PCNX4: variants seen among roughly 807,000 people sequenced by gnomAD.
The protein encoded by PCNX4 is pecanex 4, also known as pecanex-like protein 4.
In PCNX4, 103 loss-of-function variants were observed where a neutral mutation model predicts 107.2. The observed-to-expected ratio is 0.96, with a 90% confidence interval of 0.82 to 1.13. The LOEUF (loss-of-function observed/expected upper bound fraction) is 1.13. Ranked by LOEUF, PCNX4 falls within the 50% of genes most tolerant of loss-of-function variation. The pLI is 0.00. For synonymous variants in PCNX4, 541 were observed against 481.7 expected, an observed-to-expected ratio of 1.12 and a Z score of -1.61; for missense variants, 1,528 against 1,379.4, an observed-to-expected ratio of 1.11 and a Z score of -1.71.
At chr14:60,111,674 A>G (rs546824615) in intron 2 of PCNX4, among the ~76,000 whole-genome samples, 105 of 152,264 alleles carry the variant, frequency 6.9e-4, no homozygotes, top group African/African-American at 2.5e-3. Context: ...GAATCTTTTA[A>G]TTTGGTTTTC....
intron 4 of PCNX4, 99 bp downstream of exon 4, chr14:60,115,560 A>C (rs944039327): frequency 2.8e-6 from 4 of 1,422,812 alleles, no homozygotes; most frequent in Non-Finnish European, 3.8e-6. Flanking sequence ...ATTATACCAT[A>C]TACAAGTGTT....
At chr14:60,130,867 C>G (rs901569413) in intron 10 of PCNX4, among the ~76,000 whole-genome samples, 1 of 151,742 alleles carries the variant, frequency 6.6e-6, no homozygotes, top group African/African-American at 2.4e-5. Context: ...TTTGGGAGGC[C>G]GAGGCAGGCG....
intron 10 of PCNX4, 127 bp from the exon 11 acceptor site, chr14:60,133,842 GT>G (rs1896198353): frequency 3.3e-6 from 3 of 914,130 alleles, no homozygotes; most frequent in Non-Finnish European, 4.9e-6. Flanking sequence ...ACTACTTTCT[GT>G]TTTTTGAACT....
rs200165068 is a variant in PCNX4, at chr14:60,124,634, G to T, written c.2463G>T (p.Trp821Cys). ...TAAATTCAGAAACTTTTAATGACTG[G>T]TCTGATGATAATATTTTTGATGATG... Reference protein sequence around the residue: ...DSLNSETFNDWSDDNIFDDEP... With the variant: ...DSLNSETFNDCSDDNIFDDEP... The change falls in exon 9 of 11, where the codon TGG becomes TGT. Residue 821 changes from tryptophan to cysteine, a missense_variant. Physicochemically the swap from Trp to Cys is radical, Grantham distance 215. Coordinates refer to ENST00000406854, the MANE Select transcript of PCNX4 (RefSeq NM_001330177.2). 1 of 1,613,694 alleles carries T rather than the reference G, an allele frequency of 6.2e-7. No individual in the cohort carries two copies. The highest frequency in any genetic ancestry group is 8.5e-7 in the Non-Finnish European group (1 of 1,179,748).
chr14:60,147,824 A>C lies in PCNX4; in HGVS notation c.*13603A>C, dbSNP rs1325257945. ...CTAGCACCAGGCTGCATGCTCTGCC[A>C]GGAGGCTGTGCTTCCTCTGTAGTAA... On this transcript the variant is annotated 3_prime_UTR_variant, in exon 11 of 11. Coordinates refer to ENST00000406854, the MANE Select transcript of PCNX4 (RefSeq NM_001330177.2). 1.3e-5 allele frequency: 2 copies of C among 152,240 alleles called. No individual in the cohort carries two copies. Among genetic ancestry groups the C allele is most frequent in the Non-Finnish European group, 2.9e-5 (2 of 68,064 alleles). 9.4% of individuals were successfully genotyped at this position (152,240 alleles called of 1,614,324 possible).
At chr14:60,095,975 A>G (rs1319789717) in intron 1 of PCNX4, among the ~76,000 whole-genome samples, 1 of 152,204 alleles carries the variant, frequency 6.6e-6, no homozygotes, top group South Asian at 2.1e-4. Flanking sequence ...TAGCCCTTTC[A>G]GTTCATTGAC....
rs778527106 is a variant in PCNX4 at position 60,124,258 on chromosome 14, C to T, written c.2087C>T (p.Ala696Val). The change falls in exon 9 of 11, where the codon GCT (alanine) becomes GTT (valine). Residue 696 changes from alanine to valine, a missense_variant. By Grantham distance (64) the Ala-to-Val change is moderately conservative (BLOSUM62 0). Coordinates refer to ENST00000406854, the MANE Select transcript of PCNX4 (RefSeq NM_001330177.2). ...GAAACATCCTGTCATACTGCAGAAG[C>T]TCGCAGAGTTGATGAAGTTTTTGAA... Reference protein sequence around the residue: ...LQETSCHTAEARRVDEVFEDA... With the variant: ...LQETSCHTAEVRRVDEVFEDA... 1.1e-5 allele frequency: 17 copies of T among 1,601,670 alleles called. No individual in the cohort carries two copies. Among genetic ancestry groups the T allele is most frequent in the Non-Finnish European group, 1.4e-5 (17 of 1,173,530 alleles).
At chr14:60,129,040 T>C (rs901288069) in intron 10 of PCNX4, among the ~76,000 whole-genome samples, 3 of 151,184 alleles carry the variant, frequency 2.0e-5, no homozygotes, top group Admixed American at 2.0e-4. Flanking sequence ...TGGTGAAACC[T>C]TGTCTCTACT....
intron 2 of PCNX4, among the ~76,000 whole-genome samples, chr14:60,112,061 G>C (rs1895750092): frequency 6.6e-6 from 1 of 152,136 alleles, no homozygotes; most frequent in South Asian, 2.1e-4. Flanking sequence ...GAGCAGAAGA[G>C]GCGAACCCCG....
At chr14:60,113,911 T>C (rs1895787409) in intron 2 of PCNX4, among the ~76,000 whole-genome samples, 1 of 152,216 alleles carries the variant, frequency 6.6e-6, no homozygotes, top group African/African-American at 2.4e-5. Flanking sequence ...AGTTTGATGA[T>C]GGTACATTTA....
In PCNX4 at chr14:60,121,851, T is replaced by C. The variant is rs138936011; in HGVS notation, c.2046+552T>C. 7.7e-4 allele frequency among the ~76,000 whole-genome samples: 118 copies of C among 152,308 alleles called. No homozygotes were observed. The East Asian group carries it at 0.02, about 26-fold the overall frequency. ...CACATTGCTAAGTCCAGTGATCAAC[T>C]CTCAGAACCAGTCTTATTCGAACCA... is the stretch of plus-strand genomic sequence containing the variant. On this transcript the variant is annotated intron_variant, in intron 8 of 10. Transcript: ENST00000406854.
At position 60,148,062 on chromosome 14, in the gene PCNX4, C is replaced by T. The variant is rs1379074971; in HGVS notation, c.*13841C>T. 6.6e-6 allele frequency: 1 copy of T among 152,196 alleles called. No homozygotes were observed. Among genetic ancestry groups the T allele is most frequent in the East Asian group, 1.9e-4 (1 of 5,200 alleles). The allele number at this position is 152,196 out of a possible 1,614,324, so 9.4% of individuals were successfully genotyped here. ...TTACTACTTGGTAGAAAACGAAAAG[C>T]TCCTTTTTGATTTTTCACACTCTGG... On this transcript the variant is annotated 3_prime_UTR_variant, in exon 11 of 11. Transcript: ENST00000406854. The surrounding 1 kb of genome is among the most constrained non-coding windows in gnomAD (Gnocchi z 4.8).
chr14:60,094,421 TG>T (rs1442885574), intron 1 of PCNX4, among the ~76,000 whole-genome samples: 12 of 152,300 alleles, frequency 7.9e-5, no homozygotes, highest in African/African-American at 2.9e-4. Context: ...CCCAGCATTT[TG>T]CAGACCTTGG....
Position 60,121,164 on chromosome 14 carries a change from T to TC in PCNX4, c.1943-32_1943-31insC, listed in dbSNP as rs781569583. 16 of 1,386,102 alleles carry TC rather than the reference T, an allele frequency of 1.2e-5. No homozygotes were observed. In the Admixed American group the frequency reaches 1.3e-4, roughly 11 times the overall value. The allele number at this position is 1,386,102 out of a possible 1,614,324, so 85.9% of individuals were successfully genotyped here. On this transcript the variant is annotated intron_variant, in intron 7 of 10. Coordinates refer to ENST00000406854, the MANE Select transcript of PCNX4 (RefSeq NM_001330177.2). The stretch of plus-strand genomic sequence containing the variant: ...AAAGAAGTTTGAAAATGATTTTCTT[T>TC]TTTTTTTTTTTTTTTTTCTAATTTG...
rs1167103219 is a variant in PCNX4, at chr14:60,108,082, A to G, written c.444A>G (p.Gly148=). The G allele has an allele frequency of 5.6e-6, 9 of 1,612,842 alleles. No homozygotes were observed. The Admixed American group carries it at 8.3e-5, about 15-fold the overall frequency. Residue 148 remains glycine (G), a synonymous_variant, in exon 2 of 11, where the codon GGA becomes GGG. Coordinates refer to ENST00000406854, the MANE Select transcript of PCNX4 (RefSeq NM_001330177.2). ...ANTVFHSILA[G]LACGLGTWYL... ...CAGTTTTTCATTCTATTCTTGCTGGATTAGCGTGTGGTCTTGGAACATGGT... is the reference window on the plus strand; with the variant it reads ...CAGTTTTTCATTCTATTCTTGCTGGGTTAGCGTGTGGTCTTGGAACATGGT...
At chr14:60,107,378 C>CA (rs1895647784) in intron 1 of PCNX4, among the ~76,000 whole-genome samples, 1 of 152,006 alleles carries the variant, frequency 6.6e-6, no homozygotes. Context: ...TACCCTCTCT[C>CA]AAAAAATAAA....
In PCNX4 at chr14:60,124,766, T is replaced by C. The variant is rs906308181; in HGVS notation, c.2595T>C (p.His865=). ...TAGAATCACAGAGGGTTGGTGATCA[T>C]TCTACAGGCACTGTTCCTGAAAACG... ...GSVESQRVGD[H]STGTVPENDL... The change falls in exon 9 of 11, where the codon CAT becomes CAC. Residue 865 remains histidine (H), a synonymous_variant. Coordinates refer to ENST00000406854, the MANE Select transcript of PCNX4 (RefSeq NM_001330177.2). 1 of 1,613,124 alleles carries C rather than the reference T, an allele frequency of 6.2e-7. No individual in the cohort carries two copies. Among genetic ancestry groups the C allele is most frequent in the African/African-American group, 1.3e-5 (1 of 74,926 alleles).
intron 1 of PCNX4, among the ~76,000 whole-genome samples, chr14:60,104,366 C>T (rs219309): frequency 0.76 from 113,030 of 148,874 alleles, 44,608 homozygotes; most frequent in Non-Finnish European, 0.87. Context: ...ATGGTAAATA[C>T]TCCCAGCTTC....
chr14:60,101,412 CAGATT>C (rs113988888), intron 1 of PCNX4, among the ~76,000 whole-genome samples: 3,372 of 152,154 alleles, frequency 0.022, 59 homozygotes, highest in South Asian at 0.049. Flanking sequence ...AAGGAACACT[CAGATT>C]AAAGAAGAGC....
Sources: allele counts gnomAD v4.1 joint callset (sites outside exome capture counted in the v4.1 genomes callset), GRCh38; gene constraint gnomAD v4.1.1; non-coding constraint Gnocchi (gnomAD v3.1); transcripts MANE v1.5; gene names NCBI Gene and HGNC (gene_info 2026-07-23, HGNC 2026-07-21).